The following ROR1 variants were observed in gnomAD, a reference collection of about 807,000 sequenced individuals.
The protein encoded by ROR1 is ROR family WNT receptor 1.
In ROR1, 19 loss-of-function variants were observed where a neutral mutation model predicts 78.8. The ratio of observed to expected loss-of-function variants is 0.24; its 90% confidence interval spans 0.17 to 0.35. The LOEUF is 0.35. Ranked by LOEUF, ROR1 falls within the 10% of genes least tolerant of loss-of-function variation. The pLI is 1.00. For synonymous variants in ROR1, 386 were observed against 433.6 expected, an observed-to-expected ratio of 0.89 and a Z score of 1.36; for missense variants, 917 against 1,177.8, an observed-to-expected ratio of 0.78 and a Z score of 3.24.
At chr1:64,126,950 C>T (rs1648732342) in intron 4 of ROR1, among the ~76,000 whole-genome samples, 1 of 152,112 alleles carries the variant, frequency 6.6e-6, no homozygotes, top group South Asian at 2.1e-4. Flanking sequence ...TCTAAAAATC[C>T]TTCTTCAGCC....
intron 1 of ROR1, among the ~76,000 whole-genome samples, chr1:63,935,600 A>G (rs1645788098): frequency 6.6e-6 from 1 of 152,228 alleles, no homozygotes; most frequent in Non-Finnish European, 1.5e-5. Context: ...AGGATTATAT[A>G]TAATGTCCAC....
chr1:63,997,756 A>C (rs1570035445), intron 1 of ROR1, among the ~76,000 whole-genome samples: 1 of 151,914 alleles, frequency 6.6e-6, no homozygotes. Flanking sequence ...CATGCTCCCC[A>C]GCTGAGTTTG....
At chr1:63,923,754 A>G (rs1645676106) in intron 1 of ROR1, among the ~76,000 whole-genome samples, 2 of 151,658 alleles carry the variant, frequency 1.3e-5, no homozygotes, top group Non-Finnish European at 2.9e-5. Context: ...GCGGTTTCCA[A>G]TTGCACTTTG....
intron 1 of ROR1, among the ~76,000 whole-genome samples, chr1:63,922,394 T>C (rs1645663146): frequency 6.6e-6 from 1 of 152,212 alleles, no homozygotes; most frequent in South Asian, 2.1e-4. Flanking sequence ...TCAAAACACG[T>C]GATTCTCTCC....
At chr1:63,880,869 G>T (rs995778518) in intron 1 of ROR1, among the ~76,000 whole-genome samples, 11 of 152,074 alleles carry the variant, frequency 7.2e-5, no homozygotes, top group African/African-American at 2.7e-4. Context: ...TCCTCACAAA[G>T]CCCCCAAATG....
chr1:63,792,347 T>C (rs1274621351), intron 1 of ROR1, among the ~76,000 whole-genome samples: 1 of 152,208 alleles, frequency 6.6e-6, no homozygotes, highest in Non-Finnish European at 1.5e-5. Context: ...ACAACCCTAT[T>C]CGGTAGGTCC....
chr1:63,903,179 G>A (rs1254716214), intron 1 of ROR1, among the ~76,000 whole-genome samples: 2 of 152,174 alleles, frequency 1.3e-5, no homozygotes, highest in African/African-American at 4.8e-5. Flanking sequence ...TGGATATCAG[G>A]TAGGAGTCTA....
chr1:63,975,139 T>A (rs1646148879), intron 1 of ROR1, among the ~76,000 whole-genome samples: 1 of 152,204 alleles, frequency 6.6e-6, no homozygotes, highest in Non-Finnish European at 1.5e-5. Flanking sequence ...CTTACAGGTT[T>A]CATCTTCTCA....
At chr1:64,120,214 C>T (rs1375455416) in intron 4 of ROR1, among the ~76,000 whole-genome samples, 1 of 146,936 alleles carries the variant, frequency 6.8e-6, no homozygotes, top group African/African-American at 2.5e-5. Context: ...TTCCCATGAA[C>T]AGGACCATGG....
At chr1:64,044,172 C>G (rs112018275) in intron 2 of ROR1, among the ~76,000 whole-genome samples, 1 of 152,158 alleles carries the variant, frequency 6.6e-6, no homozygotes, top group Non-Finnish European at 1.5e-5. Flanking sequence ...TGACTCATAC[C>G]GTTCAGGGCC....
chr1:64,034,498 C>G (rs911557548), intron 2 of ROR1, among the ~76,000 whole-genome samples: 1 of 152,104 alleles, frequency 6.6e-6, no homozygotes, highest in Non-Finnish European at 1.5e-5. Flanking sequence ...GTTTTTTAAG[C>G]ATTTATAGCA....
At chr1:63,886,537 G>A (rs975410105) in intron 1 of ROR1, among the ~76,000 whole-genome samples, 4 of 152,122 alleles carry the variant, frequency 2.6e-5, no homozygotes, top group Non-Finnish European at 5.9e-5. Context: ...TTGGCCAGAA[G>A]GAGTCACATG....
chr1:63,991,989 T>C (rs1646299989), intron 1 of ROR1, among the ~76,000 whole-genome samples: 2 of 152,282 alleles, frequency 1.3e-5, no homozygotes, highest in South Asian at 4.1e-4. Flanking sequence ...TGTAGTAATG[T>C]CTGTCTAGTG....
intron 1 of ROR1, among the ~76,000 whole-genome samples, chr1:63,827,585 C>T (rs903133848): frequency 5.3e-5 from 8 of 152,202 alleles, no homozygotes; most frequent in Admixed American, 2.6e-4. Flanking sequence ...CTTGCCAAGG[C>T]GTTGATGACA....
chr1:63,895,916 G>T (rs1645435504), intron 1 of ROR1, among the ~76,000 whole-genome samples: 3 of 151,974 alleles, frequency 2.0e-5, no homozygotes, highest in Non-Finnish European at 4.4e-5. Context: ...CTTGGAGTTG[G>T]CATCTGTGAG....
intron 1 of ROR1, among the ~76,000 whole-genome samples, chr1:63,945,104 G>A (rs905339855): frequency 6.6e-6 from 1 of 152,064 alleles, no homozygotes; most frequent in African/African-American, 2.4e-5. Flanking sequence ...ATAATATATT[G>A]GAAGGCCTGA....
At chr1:63,811,960 G>GTT (rs568040372) in intron 1 of ROR1, among the ~76,000 whole-genome samples, 10,100 of 123,976 alleles carry the variant, frequency 0.081, 1,713 homozygotes, top group African/African-American at 0.3. Context: ...AACCAGAGGT[G>GTT]TTTTTTTTTT....
chr1:64,073,189 G>A (rs1403520077), intron 4 of ROR1, among the ~76,000 whole-genome samples: 4 of 152,118 alleles, frequency 2.6e-5, no homozygotes, highest in Admixed American at 2.0e-4. Context: ...TAGGCCTTTT[G>A]TAAGGTGTGT....
chr1:63,868,429 T>G (rs1645230467), intron 1 of ROR1, among the ~76,000 whole-genome samples: 1 of 152,192 alleles, frequency 6.6e-6, no homozygotes, highest in Non-Finnish European at 1.5e-5. Flanking sequence ...TATGGCAGGA[T>G]GCAGAGCAAA....
Sources: allele counts gnomAD v4.1 joint callset (sites outside exome capture counted in the v4.1 genomes callset), GRCh38; gene constraint gnomAD v4.1.1; transcripts MANE v1.5; gene names NCBI Gene and HGNC (gene_info 2026-07-23, HGNC 2026-07-21).